The following MYOF variants were observed in gnomAD, a reference collection of about 807,000 sequenced individuals.
MYOF encodes the protein myoferlin, also known as fer-1-like 3, myoferlin.
Under a neutral mutation model 284.2 loss-of-function variants are expected in MYOF, and 244 were observed. That is an observed-to-expected ratio of 0.86 (90% confidence interval 0.77 to 0.95). The LOEUF (loss-of-function observed/expected upper bound fraction) is 0.95. Ranked by LOEUF, MYOF falls within the 40% of genes least tolerant of loss-of-function variation. MYOF has a pLI of 0.00. For synonymous variants in MYOF, 904 were observed against 919.7 expected, an observed-to-expected ratio of 0.98 and a Z score of 0.31; for missense variants, 2,496 against 2,560.6, an observed-to-expected ratio of 0.97 and a Z score of 0.54.
chr10:93,351,583 A>G lies in MYOF; in HGVS notation c.3664-12T>C. On this transcript the variant is annotated splice_polypyrimidine_tract_variant and intron_variant, in intron 33 of 53. Coordinates refer to ENST00000359263, the MANE Select transcript of MYOF (RefSeq NM_013451.4). Reference sequence around the variant, plus strand: ...AATTCATCTTTGCCCTAGAGAAACAAAGTGATCCTTAAATTCCCCGACAAT... The same window carrying G: ...AATTCATCTTTGCCCTAGAGAAACAGAGTGATCCTTAAATTCCCCGACAAT... The G allele has an allele frequency of 6.2e-7, 1 of 1,613,154 alleles. No individual in the cohort carries two copies. The highest frequency in any genetic ancestry group is 8.5e-7 in the Non-Finnish European group (1 of 1,179,548).
At chr10:93,328,943 G>A (rs199916961) in intron 44 of MYOF, 32 bp from the exon 45 acceptor site, 40 of 1,570,346 alleles carry the variant, frequency 2.5e-5, no homozygotes, top group South Asian at 2.5e-4. Flanking sequence ...TCGGAGTTAC[G>A]GAGGAGCCTG....
At chr10:93,466,045 A>G (rs545861338) in intron 1 of MYOF, among the ~76,000 whole-genome samples, 3 of 152,146 alleles carry the variant, frequency 2.0e-5, no homozygotes, top group Admixed American at 6.5e-5. Flanking sequence ...GCAGCCTGGC[A>G]GCCTCCAGGA....
chr10:93,407,982 T>C (rs1847693648), intron 7 of MYOF, among the ~76,000 whole-genome samples: 1 of 151,938 alleles, frequency 6.6e-6, no homozygotes, highest in Admixed American at 6.6e-5. Flanking sequence ...CATCAAGAAG[T>C]TATCACAAAA....
At chr10:93,355,493 G>A in intron 31 of MYOF, 135 bp downstream of exon 31, 1 of 569,308 alleles carries the variant, frequency 1.8e-6, no homozygotes, top group South Asian at 2.7e-5. Context: ...GGCTGAGGCA[G>A]GAGAATTGCT....
intron 25 of MYOF, among the ~76,000 whole-genome samples, chr10:93,368,888 A>T (rs1442274985): frequency 6.6e-6 from 1 of 152,190 alleles, no homozygotes; most frequent in East Asian, 1.9e-4. Context: ...TCTGAAAGTT[A>T]TCAGAAGAGA....
At chr10:93,374,587 T>C (rs372932438) in intron 23 of MYOF, among the ~76,000 whole-genome samples, 176 bp downstream of exon 23, 12 of 152,346 alleles carry the variant, frequency 7.9e-5, no homozygotes, top group African/African-American at 2.9e-4. Flanking sequence ...CTGATTTCAA[T>C]CACATTCATC....
At chr10:93,401,325 T>G (rs1207256139) in intron 12 of MYOF, 93 bp downstream of exon 12, 25 of 1,508,346 alleles carry the variant, frequency 1.7e-5, no homozygotes, top group Non-Finnish European at 2.1e-5. Context: ...AAACATACGA[T>G]AGGGACACGA....
chr10:93,413,147 C>T (rs1393089210), intron 5 of MYOF, among the ~76,000 whole-genome samples: 6 of 152,138 alleles, frequency 3.9e-5, no homozygotes, highest in African/African-American at 1.2e-4. Context: ...AATCATACCC[C>T]TTTGCAATGC....
intron 32 of MYOF, among the ~76,000 whole-genome samples, chr10:93,352,877 T>C (rs1469086210): frequency 4.6e-5 from 7 of 152,176 alleles, no homozygotes; most frequent in African/African-American, 1.4e-4. Flanking sequence ...CTGTTGGAGA[T>C]GTATATTGCA....
At chr10:93,405,279 A>G (rs1386858030) in intron 7 of MYOF, among the ~76,000 whole-genome samples, 1 of 152,204 alleles carries the variant, frequency 6.6e-6, no homozygotes, top group African/African-American at 2.4e-5. Context: ...AACAGAGTCA[A>G]TTTTCAAATT....
intron 43 of MYOF, among the ~76,000 whole-genome samples, chr10:93,331,374 G>A (rs1473598746): frequency 6.6e-6 from 1 of 152,178 alleles, no homozygotes; most frequent in East Asian, 1.9e-4. Context: ...CCATCCGCCA[G>A]ACAGCGATTG....
At chr10:93,468,536 T>C (rs1255011983) in intron 1 of MYOF, among the ~76,000 whole-genome samples, 1 of 152,240 alleles carries the variant, frequency 6.6e-6, no homozygotes, top group Non-Finnish European at 1.5e-5. Flanking sequence ...AATAAAATAG[T>C]CACTTAAAAC....
intron 24 of MYOF, among the ~76,000 whole-genome samples, chr10:93,370,503 G>T (rs770754271): frequency 1.3e-4 from 19 of 151,310 alleles, no homozygotes; most frequent in Non-Finnish European, 5.9e-5. Flanking sequence ...TTGTAGAGAC[G>T]GGGGTCTTGC....
intron 5 of MYOF, among the ~76,000 whole-genome samples, chr10:93,411,587 T>A (rs543168186): frequency 6.6e-6 from 1 of 151,668 alleles, no homozygotes; most frequent in South Asian, 2.1e-4. Flanking sequence ...CTATGGGGGG[T>A]GTGGGGATGG....
In MYOF at chr10:93,306,792, T is replaced by C. The variant is rs530877212; in HGVS notation, c.*171A>G. The C allele has an allele frequency of 1.0e-5, 7 of 667,210 alleles. No homozygotes were observed. In the South Asian group the frequency reaches 1.3e-4, roughly 13 times the overall value. The allele number at this position is 667,210 out of a possible 1,614,324, so 41.3% of individuals were successfully genotyped here. Reference sequence around the variant, plus strand: ...GATAACATGATGCAAACGTTGCTTGTTGGCCTGACTTTCCAGGACTAAGAC... The same window carrying C: ...GATAACATGATGCAAACGTTGCTTGCTGGCCTGACTTTCCAGGACTAAGAC... On this transcript the variant is annotated 3_prime_UTR_variant, in exon 54 of 54. Coordinates refer to ENST00000359263, the MANE Select transcript of MYOF (RefSeq NM_013451.4).
At position 93,452,115 on chromosome 10, in the gene MYOF, T is replaced by C. The variant is rs1841687636; in HGVS notation, c.171A>G (p.Ile57Met). ...NEILEFDLRG[I>M]PLDFSSSLGI... ...CAAGGGAAGATGAAAAGTCCAGTGG[T>C]ATACCCCTCAAGTCAAACTCCAAAA... The change falls in exon 3 of 54, where the codon ATA (isoleucine) becomes ATG (methionine). Residue 57 changes from isoleucine (I) to methionine (M), a missense_variant. By Grantham distance (10) the Ile-to-Met change is conservative (BLOSUM62 1). Around this residue, in one of 3 missense-constraint regions of MYOF, gnomAD observed 3 missense variants for 17.5 expected, o/e 0.17. Coordinates refer to ENST00000359263, the MANE Select transcript of MYOF (RefSeq NM_013451.4). 1 of 1,611,670 alleles carries C rather than the reference T, an allele frequency of 6.2e-7. No individual in the cohort carries two copies. Among genetic ancestry groups the C allele is most frequent in the Non-Finnish European group, 8.5e-7 (1 of 1,179,490 alleles).
At chr10:93,418,969 A>C (rs756270955) in intron 5 of MYOF, among the ~76,000 whole-genome samples, 1 of 152,198 alleles carries the variant, frequency 6.6e-6, no homozygotes, top group Non-Finnish European at 1.5e-5. Context: ...ATCATTTTCC[A>C]GTTAGGCTCT....
rs760231955 is a variant in MYOF at position 93,316,694 on chromosome 10, G to C, written c.5698+20C>G. The C allele has an allele frequency of 1.3e-5, 21 of 1,569,276 alleles. No individual in the cohort carries two copies. Among genetic ancestry groups the C allele is most frequent in the Non-Finnish European group, 1.8e-5 (21 of 1,141,242 alleles). ...CCAAGTACAGTTTCTTAGAAACAAT[G>C]ATCCAAATGTAAGCCCTACCCAAGT... is the stretch of plus-strand genomic sequence containing the variant. On this transcript the variant is annotated intron_variant, in intron 50 of 53. Coordinates refer to ENST00000359263, the MANE Select transcript of MYOF (RefSeq NM_013451.4).
chr10:93,309,534 G>A (rs1360544627), intron 53 of MYOF, among the ~76,000 whole-genome samples: 2 of 152,154 alleles, frequency 1.3e-5, no homozygotes, highest in African/African-American at 4.8e-5. Context: ...ATTGGCAAAG[G>A]CATCCAGATA....
Sources: allele counts gnomAD v4.1 joint callset (sites outside exome capture counted in the v4.1 genomes callset), GRCh38; gene constraint gnomAD v4.1.1; regional missense constraint gnomAD v4.1.1; transcripts MANE v1.5; gene names NCBI Gene and HGNC (gene_info 2026-07-23, HGNC 2026-07-21).